The following MYLIP variants were observed in gnomAD, a reference collection of about 807,000 sequenced individuals.
MYLIP encodes E3 ubiquitin-protein ligase MYLIP.
In MYLIP, 26 loss-of-function variants were observed where a neutral mutation model predicts 45.8. The ratio of observed to expected loss-of-function variants is 0.57; its 90% CI spans 0.42 to 0.79. MYLIP has a LOEUF of 0.79. Among genes scored for constraint, MYLIP ranks in the 30% least tolerant of loss-of-function variants. MYLIP has a pLI of 0.00. For missense variants in MYLIP, 494 were observed against 555.6 expected (o/e 0.89, Z 1.11); for synonymous variants, 213 against 218.1 (o/e 0.98, Z 0.21).
chr6:16,156,011 C>T, the MYLIP span, among the ~76,000 whole-genome samples: 2 of 152,068 alleles, frequency 1.3e-5, no homozygotes, highest in Admixed American at 6.5e-5. Context: ...TTATTGCTGA[C>T]GAAAGTGATG....
chr6:16,163,512 A>T, the MYLIP span: 1 of 152,338 alleles, frequency 6.6e-6, no homozygotes, highest in African/African-American at 2.4e-5. Flanking sequence ...ACTTGTTGAG[A>T]TTTTATAATA....
At chr6:16,134,137 G>A (rs978313590) in intron 2 of MYLIP, among the ~76,000 whole-genome samples, 1 of 151,994 alleles carries the variant, frequency 6.6e-6, no homozygotes, top group Admixed American at 6.6e-5. Flanking sequence ...ATACTTACGT[G>A]GTAATTTGTT....
rs930235526 is a variant in MYLIP, at chr6:16,129,263, G to C, written c.-60G>C. ...CGGGGCTGGGTCCCACCAGTGACAA[G>C]GCGGCAGCCCCGCGCACACCAAAGA... On this transcript the variant is annotated 5_prime_UTR_variant, in exon 1 of 7. Coordinates refer to ENST00000356840, the MANE Select transcript of MYLIP (RefSeq NM_013262.4). The surrounding 1 kb of genome is among the most constrained non-coding windows in gnomAD (Gnocchi z 5.1). 1 of 1,522,948 alleles carries C rather than the reference G, an allele frequency of 6.6e-7. No homozygotes were observed. Among genetic ancestry groups the C allele is most frequent in the East Asian group, 2.5e-5 (1 of 40,722 alleles). The allele number at this position is 1,522,948 out of a possible 1,614,324, so 94.3% of individuals were successfully genotyped here.
intron 2 of MYLIP, among the ~76,000 whole-genome samples, chr6:16,132,206 C>T (rs745311013): frequency 6.6e-6 from 1 of 152,188 alleles, no homozygotes; most frequent in African/African-American, 2.4e-5. Context: ...TGCATTTAAA[C>T]AATGGCTGCA....
intron 2 of MYLIP, 56 bp from the exon 3 acceptor site, chr6:16,141,569 T>A: frequency 6.7e-7 from 1 of 1,483,882 alleles, no homozygotes; most frequent in South Asian, 1.3e-5. Context: ...CTAAGTAGGC[T>A]GAGATTGATG....
the MYLIP span, chr6:16,160,878 G>C: frequency 2.0e-5 from 3 of 152,432 alleles, no homozygotes; most frequent in African/African-American, 7.2e-5. Flanking sequence ...TTACAAAGGG[G>C]CTTCACCTGG....
chr6:16,133,818 T>C (rs1759501289), intron 2 of MYLIP, among the ~76,000 whole-genome samples: 1 of 152,142 alleles, frequency 6.6e-6, no homozygotes, highest in Non-Finnish European at 1.5e-5. Context: ...TTTGCTTAGG[T>C]AAGGCTCACC....
At chr6:16,142,981 T>C in intron 3 of MYLIP, 39 bp from the exon 4 acceptor site, 1 of 1,577,904 alleles carries the variant, frequency 6.3e-7, no homozygotes, top group Non-Finnish European at 8.6e-7. Context: ...AAAGCTAATA[T>C]CTGTATACTT....
At chr6:16,146,410 G>A (rs1317558165) in intron 6 of MYLIP, among the ~76,000 whole-genome samples, 1 of 152,238 alleles carries the variant, frequency 6.6e-6, no homozygotes, top group East Asian at 1.9e-4. Flanking sequence ...ACCTTCTTTA[G>A]CGTTTCACTA....
chr6:16,143,774 G>A lies in MYLIP; in HGVS notation c.738G>A (p.Gly246=), dbSNP rs549317876. The A allele has an allele frequency of 3.2e-5, 52 of 1,613,924 alleles. No individual in the cohort carries two copies. The South Asian group carries it at 5.3e-4, about 16-fold the overall frequency. The change falls in exon 5 of 7, where the codon GGG becomes GGA. Residue 246 remains glycine, a synonymous_variant. Coordinates refer to ENST00000356840, the MANE Select transcript of MYLIP (RefSeq NM_013262.4). ...ATTTGACGGTCACCAAGGAATCTGGGAACAGCATCGTGCTCTTGTTTAAAA... is the reference window on the plus strand; with the variant it reads ...ATTTGACGGTCACCAAGGAATCTGGAAACAGCATCGTGCTCTTGTTTAAAA... ...NVYLTVTKES[G]NSIVLLFKMI...
the MYLIP span, among the ~76,000 whole-genome samples, chr6:16,157,125 T>C: frequency 1.3e-5 from 2 of 152,182 alleles, no homozygotes; most frequent in Non-Finnish European, 2.9e-5. Flanking sequence ...GTGCTTTGCA[T>C]CCCCCTCTCT....
At chr6:16,142,666 G>A (rs563836649) in intron 3 of MYLIP, among the ~76,000 whole-genome samples, 1 of 152,336 alleles carries the variant, frequency 6.6e-6, no homozygotes, top group South Asian at 2.1e-4. Context: ...CCTGGCCACA[G>A]GGGCCTCAGG....
chr6:16,152,591 G>A (rs1299339524), downstream of MYLIP, among the ~76,000 whole-genome samples: 2 of 152,184 alleles, frequency 1.3e-5, no homozygotes, highest in Non-Finnish European at 2.9e-5. Flanking sequence ...GAAACCCTGG[G>A]CTGCATGGTA....
chr6:16,133,693 G>A (rs543598496), intron 2 of MYLIP, among the ~76,000 whole-genome samples: 183 of 152,314 alleles, frequency 1.2e-3, no homozygotes, highest in African/African-American at 4.2e-3. Context: ...GATTAGAGAA[G>A]TATATGCTTC....
intron 2 of MYLIP, among the ~76,000 whole-genome samples, chr6:16,140,632 C>T (rs1759650172): frequency 6.6e-6 from 1 of 152,128 alleles, no homozygotes; most frequent in African/African-American, 2.4e-5. Flanking sequence ...GAGGGAGCAG[C>T]AAGACCAGAG....
chr6:16,144,698 TA>T (rs1267356475), intron 5 of MYLIP, among the ~76,000 whole-genome samples, 198 bp from the exon 6 acceptor site: 1 of 152,184 alleles, frequency 6.6e-6, no homozygotes. Flanking sequence ...ACGGAAGCCA[TA>T]ATGTCAGGAG....
At chr6:16,135,340 C>T (rs1037608040) in intron 2 of MYLIP, among the ~76,000 whole-genome samples, 1 of 152,176 alleles carries the variant, frequency 6.6e-6, no homozygotes, top group Non-Finnish European at 1.5e-5. Context: ...AGATTTTCTG[C>T]TTTCAATTAG....
chr6:16,141,846 A>T lies in MYLIP; in HGVS notation c.464+36A>T, dbSNP rs775220008. ...TGAATATAGTATTGTTTACAACTAG[A>T]ATAGGCTTAAACAGGATGAAACTAA... On this transcript the variant is annotated intron_variant, in intron 3 of 6. Coordinates refer to ENST00000356840, the MANE Select transcript of MYLIP (RefSeq NM_013262.4). 5 of 1,551,372 alleles carry T rather than the reference A, an allele frequency of 3.2e-6. No homozygotes were observed. In the South Asian group the frequency reaches 5.9e-5, roughly 18 times the overall value.
chr6:16,154,326 G>A, the MYLIP span, among the ~76,000 whole-genome samples: 1 of 152,090 alleles, frequency 6.6e-6, no homozygotes, highest in Non-Finnish European at 1.5e-5. Flanking sequence ...TTTACATGCT[G>A]TACCTAAGGA....
Sources: gnomAD v4.1 joint callset for allele counts (sites outside exome capture counted in the v4.1 genomes callset) on GRCh38, gnomAD v4.1.1 for gene constraint, Gnocchi (gnomAD v3.1) non-coding constraint, MANE v1.5 for transcripts, NCBI Gene and HGNC (gene_info 2026-07-23, HGNC 2026-07-21) for gene names.